The following ARHGEF12 variants were observed in gnomAD, a reference collection of about 807,000 sequenced individuals.
The protein encoded by ARHGEF12 is KMT2A/ARHGEF12 fusion protein.
A neutral mutation model predicts 211.2 loss-of-function variants in ARHGEF12; 66 were observed. That is an observed-to-expected ratio of 0.31 (90% confidence interval 0.26 to 0.38). The LOEUF is 0.38. Among genes scored for constraint, ARHGEF12 ranks in the 10% least tolerant of loss-of-function variants. The probability of loss-of-function intolerance (pLI) is 1.00; values close to 1 mark genes in which losing one functional copy is unlikely to be tolerated. For synonymous variants in ARHGEF12, 592 were observed against 638.4 expected, an observed-to-expected ratio of 0.93 and a Z score of 1.09; for missense variants, 1,429 against 1,869.5, an observed-to-expected ratio of 0.76 and a Z score of 4.34.
chr11:120,438,409 C>T (rs1945762057), intron 12 of ARHGEF12: 1 of 152,096 alleles, frequency 6.6e-6, no homozygotes, highest in Non-Finnish European at 1.5e-5. Flanking sequence ...TCCCAAAGTG[C>T]TGGGATTATA....
intron 1 of ARHGEF12, among the ~76,000 whole-genome samples, chr11:120,346,185 A>G (rs954688056): frequency 6.6e-6 from 1 of 152,246 alleles, no homozygotes; most frequent in Non-Finnish European, 1.5e-5. Flanking sequence ...CACCTACTCC[A>G]TAATAAGTGT....
chr11:120,420,222 A>G (rs987128159), intron 4 of ARHGEF12, among the ~76,000 whole-genome samples: 1 of 152,052 alleles, frequency 6.6e-6, no homozygotes. Flanking sequence ...TCTTTGGGGA[A>G]TAACTTCAGG....
chr11:120,478,025 A>C (rs1947108667), intron 36 of ARHGEF12, 131 bp from the exon 37 acceptor site: 5 of 668,320 alleles, frequency 7.5e-6, no homozygotes, highest in African/African-American at 5.5e-5. Context: ...AGTGATGTGT[A>C]TTTTTCTTAA....
chr11:120,378,443 T>G (rs1462097914), intron 1 of ARHGEF12, among the ~76,000 whole-genome samples: 1 of 152,220 alleles, frequency 6.6e-6, no homozygotes, highest in East Asian at 1.9e-4. Context: ...TCCTTTTATT[T>G]CCTTAACAAT....
intron 18 of ARHGEF12, 66 bp from the exon 19 acceptor site, chr11:120,447,808 T>A: frequency 1.7e-6 from 2 of 1,175,536 alleles, no homozygotes; most frequent in Non-Finnish European, 2.4e-6. Flanking sequence ...AGAGTGAGAC[T>A]CTGTCTCAAA....
intron 19 of ARHGEF12, 127 bp downstream of exon 19, chr11:120,448,033 G>GA: frequency 1.6e-5 from 13 of 837,436 alleles, no homozygotes; most frequent in Non-Finnish European, 2.4e-5. Context: ...CTCTCTGGTG[G>GA]CTTGTATGTT....
intron 4 of ARHGEF12, 58 bp from the exon 5 acceptor site, chr11:120,420,695 G>A: frequency 1.4e-6 from 2 of 1,403,028 alleles, no homozygotes; most frequent in Non-Finnish European, 2.0e-6. Flanking sequence ...TATAATTATT[G>A]TCTTTTCCTT....
At chr11:120,425,100 CG>C (rs1293516108) in intron 7 of ARHGEF12, among the ~76,000 whole-genome samples, 1 of 152,096 alleles carries the variant, frequency 6.6e-6, no homozygotes, top group Non-Finnish European at 1.5e-5. Flanking sequence ...TCACGAACCT[CG>C]AGCTGGCAGT....
At chr11:120,432,338 G>C (rs1945572852) in intron 11 of ARHGEF12, among the ~76,000 whole-genome samples, 1 of 152,184 alleles carries the variant, frequency 6.6e-6, no homozygotes, top group Non-Finnish European at 1.5e-5. Flanking sequence ...CTGTTAGATA[G>C]GCTTCAGTTA....
In ARHGEF12 at chr11:120,383,812, CA is replaced by C. The variant is rs1369933489; in HGVS notation, c.33-22305del. 2.6e-5 allele frequency among the ~76,000 whole-genome samples: 4 copies of C among 151,902 alleles called. No individual in the cohort carries two copies. In the East Asian group the frequency reaches 7.7e-4, roughly 29 times the overall value. On this transcript the variant is annotated intron_variant, in intron 1 of 40. Transcript: ENST00000397843. Reference sequence around the variant, plus strand: ...TTGGAGACCCCTGTCCTAGAGTACACAGTGAAAAAGTTTGATAGAGAGGGGA... The same window carrying C: ...TTGGAGACCCCTGTCCTAGAGTACACGTGAAAAAGTTTGATAGAGAGGGGA...
chr11:120,399,151 C>CA (rs917146715), intron 1 of ARHGEF12, among the ~76,000 whole-genome samples: 22 of 150,902 alleles, frequency 1.5e-4, no homozygotes, highest in South Asian at 4.2e-4. Context: ...CTGGTCTCTA[C>CA]AAAAAAATTC....
chr11:120,450,058 T>C (rs990464679), intron 21 of ARHGEF12: 1 of 152,188 alleles, frequency 6.6e-6, no homozygotes, highest in Non-Finnish European at 1.5e-5. Flanking sequence ...ATGGTTCTTA[T>C]CTCAGGCAGT....
At chr11:120,427,166 A>T (rs1270718477) in intron 7 of ARHGEF12, among the ~76,000 whole-genome samples, 1 of 152,062 alleles carries the variant, frequency 6.6e-6, no homozygotes, top group Non-Finnish European at 1.5e-5. Flanking sequence ...ATGAGCCACC[A>T]TGCCTGGCCT....
At chr11:120,376,195 T>C (rs1943718918) in intron 1 of ARHGEF12, among the ~76,000 whole-genome samples, 1 of 150,144 alleles carries the variant, frequency 6.7e-6, no homozygotes, top group Non-Finnish European at 1.5e-5. Flanking sequence ...AATCATCATA[T>C]TGGTATACTG....
At chr11:120,360,741 T>G (rs1177641664) in intron 1 of ARHGEF12, among the ~76,000 whole-genome samples, 1 of 152,176 alleles carries the variant, frequency 6.6e-6, no homozygotes, top group Admixed American at 6.5e-5. Context: ...GGGAACTTCA[T>G]TGTATTGTTA....
chr11:120,474,255 T>C (rs1411428449), intron 31 of ARHGEF12, among the ~76,000 whole-genome samples: 4 of 152,236 alleles, frequency 2.6e-5, no homozygotes, highest in African/African-American at 9.6e-5. Context: ...GTTGAGAATC[T>C]AGTGACTGAA....
At chr11:120,404,778 A>G (rs1385099153) in intron 1 of ARHGEF12, among the ~76,000 whole-genome samples, 1 of 152,184 alleles carries the variant, frequency 6.6e-6, no homozygotes, top group African/African-American at 2.4e-5. Context: ...CCTTTGCAGA[A>G]ACTCAGTTGG....
chr11:120,484,658 G>A (rs1239368477), intron 40 of ARHGEF12, 151 bp downstream of exon 40: 2 of 724,380 alleles, frequency 2.8e-6, no homozygotes, highest in African/African-American at 3.5e-5. Context: ...ATATCAAGCG[G>A]AAGCTCATGC....
At chr11:120,386,045 A>G (rs1033912416) in intron 1 of ARHGEF12, among the ~76,000 whole-genome samples, 1 of 152,136 alleles carries the variant, frequency 6.6e-6, no homozygotes, top group East Asian at 1.9e-4. Flanking sequence ...ATATATAATC[A>G]TTGGAAAAGG....
Sources: allele counts gnomAD v4.1 joint callset (sites outside exome capture counted in the v4.1 genomes callset), GRCh38; gene constraint gnomAD v4.1.1; transcripts MANE v1.5; gene names NCBI Gene and HGNC (gene_info 2026-07-23, HGNC 2026-07-21).